The following DPY19L2 variants were observed in gnomAD, a reference collection of about 807,000 sequenced individuals.
DPY19L2 encodes dpy-19 like 2.
Under a neutral mutation model 97.9 loss-of-function variants are expected in DPY19L2, and 34 were observed. That is an observed-to-expected ratio of 0.35 (90% CI 0.26 to 0.46). DPY19L2 has a LOEUF of 0.46. Ranked by LOEUF, DPY19L2 falls within the 20% of genes least tolerant of loss-of-function variation. The pLI is 1.00. For missense variants in DPY19L2, 623 were observed against 911.4 expected, an observed-to-expected ratio of 0.68 and a Z score of 4.07; for synonymous variants, 230 against 307.9, an observed-to-expected ratio of 0.75 and a Z score of 2.65.
At chr12:63,628,717 A>G (rs1264603289) in intron 6 of DPY19L2, among the ~76,000 whole-genome samples, 1 of 151,534 alleles carries the variant, frequency 6.6e-6, no homozygotes, top group Non-Finnish European at 1.5e-5. Context: ...TGAAGAGACT[A>G]GTGGTTCTCC....
chr12:63,610,841 CAAAAAAAAAAAAA>C lies in DPY19L2; in HGVS notation c.1219-2179_1219-2167del, dbSNP rs56044043. 0.017 allele frequency among the ~76,000 whole-genome samples: 188 copies of C among 10,770 alleles called. 3 individuals carry two copies. In the East Asian group the frequency reaches 0.24, roughly 14 times the overall value. 7.1% of individuals were successfully genotyped at this position (10,770 alleles called of 152,430 possible). A position where few individuals can be genotyped will look rare whatever the true frequency, so the allele number is the denominator to read the frequency against. Reference sequence around the variant, plus strand: ...AGGCCAGTACCTCTGATGAATATAGCAAAAAAAAAAAAAAAAAAAAAAAAAAAAAAAAAACCAC... The same window carrying C: ...AGGCCAGTACCTCTGATGAATATAGCAAAAAAAAAAAAAAAAAAAAACCAC... On this transcript the variant is annotated intron_variant, in intron 11 of 21. Transcript: ENST00000324472.
At chr12:63,604,628 A>T (rs1885739590) in intron 12 of DPY19L2, among the ~76,000 whole-genome samples, 1 of 152,094 alleles carries the variant, frequency 6.6e-6, no homozygotes, top group Admixed American at 6.6e-5. Context: ...TCTGCTACCA[A>T]GTCCATTTAT....
chr12:63,599,455 A>G (rs939122685), intron 13 of DPY19L2, among the ~76,000 whole-genome samples: 5 of 152,168 alleles, frequency 3.3e-5, no homozygotes, highest in African/African-American at 1.2e-4. Flanking sequence ...TACATTTAGA[A>G]ATTTTATTTA....
chr12:63,667,958 T>C lies in DPY19L2; in HGVS notation c.337+99A>G. 6 of 1,394,390 alleles carry C rather than the reference T, an allele frequency of 4.3e-6. No individual in the cohort carries two copies. In the South Asian group the frequency reaches 7.0e-5, roughly 16 times the overall value. The allele number at this position is 1,394,390 out of a possible 1,614,324, so 86.4% of individuals were successfully genotyped here. On this transcript the variant is annotated intron_variant, in intron 1 of 21. Coordinates refer to ENST00000324472, the MANE Select transcript of DPY19L2 (RefSeq NM_173812.5). ...CTCGGACCTTGCTATTATTTCCTACTAGGCACCCACAAACCCTTGCTTGTT... is the reference window on the plus strand; with the variant it reads ...CTCGGACCTTGCTATTATTTCCTACCAGGCACCCACAAACCCTTGCTTGTT...
chr12:63,628,014 A>T (rs1326063292), intron 6 of DPY19L2, among the ~76,000 whole-genome samples: 1 of 152,248 alleles, frequency 6.6e-6, no homozygotes. Flanking sequence ...ATGTGTGAGT[A>T]GCAAGGACCA....
At chr12:63,612,303 C>T (rs1272622318) in intron 11 of DPY19L2, among the ~76,000 whole-genome samples, 2 of 151,824 alleles carry the variant, frequency 1.3e-5, no homozygotes, top group African/African-American at 4.8e-5. Context: ...TGGCTGTACA[C>T]AAGTAAAATG....
chr12:63,637,187 T>C (rs1370961617), intron 6 of DPY19L2, among the ~76,000 whole-genome samples: 1 of 152,122 alleles, frequency 6.6e-6, no homozygotes, highest in East Asian at 1.9e-4. Flanking sequence ...GAATGACTAC[T>C]GGGTACATAA....
At position 63,616,718 on chromosome 12, in the gene DPY19L2, G is replaced by A. The variant is rs931064535; in HGVS notation, c.1218+586C>T. Among the ~76,000 whole-genome samples, 16 of 152,258 alleles carry A rather than the reference G, an allele frequency of 1.1e-4. 1 individual carries two copies. The South Asian group carries it at 1.2e-3, about 12-fold the overall frequency. ...TCTAATTATCTTGCCATCACTCAAA[G>A]TAGTTTGGAACTACACTTTCTAAAC... On this transcript the variant is annotated intron_variant, in intron 11 of 21. Transcript: ENST00000324472.
chr12:63,611,167 G>A (rs1886954395), intron 11 of DPY19L2, among the ~76,000 whole-genome samples: 1 of 151,960 alleles, frequency 6.6e-6, no homozygotes, highest in Non-Finnish European at 1.5e-5. Context: ...TGCAGCCAAA[G>A]GGCACATCAG....
chr12:63,663,242 T>C (rs561374631), intron 3 of DPY19L2, among the ~76,000 whole-genome samples: 96 of 152,300 alleles, frequency 6.3e-4, no homozygotes, highest in Non-Finnish European at 1.1e-3. Context: ...CTATCCCGCT[T>C]ACTCCTCACA....
At chr12:63,601,332 C>CGG (rs1885154190) in intron 12 of DPY19L2, among the ~76,000 whole-genome samples, 2 of 104,160 alleles carry the variant, frequency 1.9e-5, no homozygotes, top group Non-Finnish European at 3.9e-5. Flanking sequence ...AATGAGGCTT[C>CGG]TGTGTTGTTG....
chr12:63,666,195 T>A (rs186111800), intron 1 of DPY19L2, among the ~76,000 whole-genome samples: 271 of 152,254 alleles, frequency 1.8e-3, no homozygotes, highest in African/African-American at 6.2e-3. Flanking sequence ...TTATATGAAA[T>A]TTTTAAAAGA....
rs763379146 is a variant in DPY19L2, at chr12:63,580,815, T to C, written c.1747A>G (p.Arg583Gly). The change falls in exon 19 of 22, where the codon AGA becomes GGA. Residue 583 changes from arginine to glycine, a missense_variant. Physicochemically the swap from Arg to Gly is moderately radical, Grantham distance 125. Transcript: ENST00000324472. Reference protein sequence around the residue: ...SRQLFGWLFRRVRFEKVIFGI... With the variant: ...SRQLFGWLFRGVRFEKVIFGI... Reference sequence around the variant, plus strand: ...AAGATAACCTTCTCAAAACGAACTCTGCGAAAAAGCCAGCCAAAGAGCTGA... The same window carrying C: ...AAGATAACCTTCTCAAAACGAACTCCGCGAAAAAGCCAGCCAAAGAGCTGA... 3.1e-6 allele frequency: 5 copies of C among 1,612,210 alleles called. No individual in the cohort carries two copies. In the Admixed American group the frequency reaches 5.0e-5, roughly 16 times the overall value.
At chr12:63,592,442 T>C (rs1339496900) in intron 16 of DPY19L2, among the ~76,000 whole-genome samples, 7 of 148,080 alleles carry the variant, frequency 4.7e-5, no homozygotes, top group Admixed American at 1.3e-4. Context: ...AAAACAGAGA[T>C]ATAGATCAAT....
intron 6 of DPY19L2, among the ~76,000 whole-genome samples, chr12:63,628,471 A>G (rs1487299325): frequency 6.6e-6 from 1 of 152,122 alleles, no homozygotes; most frequent in Non-Finnish European, 1.5e-5. Flanking sequence ...CCTCATTGCT[A>G]GCACAGCAGT....
intron 14 of DPY19L2, 141 bp downstream of exon 14, chr12:63,597,668 G>T: frequency 1.4e-6 from 1 of 696,850 alleles, no homozygotes; most frequent in Non-Finnish European, 2.4e-6. Context: ...AAACAAGTGA[G>T]GAATGTAGAT....
rs762043431 is a variant in DPY19L2, at chr12:63,569,262, A to G, written c.2088T>C (p.Tyr696=). The change falls in exon 21 of 22, where the codon TAT becomes TAC. Residue 696 remains tyrosine, a synonymous_variant. Coordinates refer to ENST00000324472, the MANE Select transcript of DPY19L2 (RefSeq NM_173812.5). ...CACACCATGCCTCTTCTAAAACATAATAATTCACATGTAACTCCAACAATT... is the reference window on the plus strand; with the variant it reads ...CACACCATGCCTCTTCTAAAACATAGTAATTCACATGTAACTCCAACAATT... ...RDKLLELHVN[Y]YVLEEAWCVV... is the part of the protein sequence containing the mutation. 6.2e-7 allele frequency: 1 copy of G among 1,602,014 alleles called. No individual in the cohort carries two copies. The highest frequency in any genetic ancestry group is 8.5e-7 in the Non-Finnish European group (1 of 1,175,570).
chr12:63,594,966 A>C (rs1883957860), intron 15 of DPY19L2, among the ~76,000 whole-genome samples: 1 of 152,122 alleles, frequency 6.6e-6, no homozygotes, highest in African/African-American at 2.4e-5. Flanking sequence ...AGGGCGGTAA[A>C]CCTGCTCACA....
intron 6 of DPY19L2, among the ~76,000 whole-genome samples, chr12:63,628,013 T>A (rs888764348): frequency 6.6e-6 from 1 of 152,006 alleles, no homozygotes; most frequent in African/African-American, 2.4e-5. Flanking sequence ...AATGTGTGAG[T>A]AGCAAGGACC....
Sources: allele counts gnomAD v4.1 joint callset (sites outside exome capture counted in the v4.1 genomes callset), GRCh38; gene constraint gnomAD v4.1.1; transcripts MANE v1.5; gene names NCBI Gene and HGNC (gene_info 2026-07-23, HGNC 2026-07-21).